The following ZBTB20 variants were observed in gnomAD, a reference collection of about 807,000 sequenced individuals.
ZBTB20 encodes zinc finger and BTB domain-containing protein 20.
ZBTB20 carries 9 observed loss-of-function variants against 56.9 expected under a neutral mutation model. The ratio of observed to expected loss-of-function variants is 0.16; its 90% confidence interval spans 0.10 to 0.28. The LOEUF (loss-of-function observed/expected upper bound fraction) is 0.28, where lower values mean the gene tolerates loss of function less well. Among genes scored for constraint, ZBTB20 ranks in the 10% least tolerant of loss-of-function variants. The pLI, the probability that ZBTB20 is intolerant of heterozygous loss-of-function variation, is 1.00. For missense variants in ZBTB20, 655 were observed against 1,003.0 expected, an observed-to-expected ratio of 0.65 and a Z score of 4.69; for synonymous variants, 417 against 420.7, an observed-to-expected ratio of 0.99 and a Z score of 0.11.
At chr3:114,932,775 ATCAATAGTTCC>A (rs1193395517) in intron 3 of ZBTB20, among the ~76,000 whole-genome samples, 1 of 152,108 alleles carries the variant, frequency 6.6e-6, no homozygotes, top group Non-Finnish European at 1.5e-5. Flanking sequence ...AAAGATAACC[ATCAATAGTTCC>A]TCAAAGCCTT....
At chr3:114,942,339 A>G (rs9828603) in intron 3 of ZBTB20, among the ~76,000 whole-genome samples, 102,774 of 145,038 alleles carry the variant, frequency 0.71, 38,511 homozygotes, top group East Asian at 0.76. Context: ...CATTCAAATA[A>G]AGATTAATCA....
intron 5 of ZBTB20, among the ~76,000 whole-genome samples, chr3:114,711,262 T>C (rs940554221): frequency 3.3e-5 from 5 of 152,230 alleles, no homozygotes; most frequent in African/African-American, 1.2e-4. Flanking sequence ...ATAGGAAACT[T>C]TGTTTAATTT....
Position 114,331,080 on chromosome 3 carries a change from A to T in ZBTB20, c.*7925T>A, listed in dbSNP as rs909319200. ...TCTTGTGAGTACAGGCAGAATTAGG[A>T]AGCTTTAGTTTGAGAATAAAATTTA... On this transcript the variant is annotated 3_prime_UTR_variant, in exon 12 of 12. Coordinates refer to ENST00000675478, the MANE Select transcript of ZBTB20 (RefSeq NM_001348800.3). 6.6e-6 allele frequency: 1 copy of T among 151,098 alleles called. No homozygotes were observed. The highest frequency in any genetic ancestry group is 6.6e-5 in the Admixed American group (1 of 15,104). The allele number at this position is 151,098 out of a possible 1,614,324, so 9.4% of individuals were successfully genotyped here.
chr3:114,769,053 G>C (rs1057193570), intron 5 of ZBTB20, among the ~76,000 whole-genome samples: 2 of 152,266 alleles, frequency 1.3e-5, no homozygotes, highest in East Asian at 3.9e-4. Context: ...CAGTAAAACA[G>C]AAAGTATATT....
At chr3:114,959,863 A>G (rs1323272962) in intron 3 of ZBTB20, among the ~76,000 whole-genome samples, 1 of 152,154 alleles carries the variant, frequency 6.6e-6, no homozygotes, top group East Asian at 1.9e-4. Context: ...CTAGCTGCAG[A>G]TAAGTCACTA....
chr3:114,971,203 T>G (rs1294418337), intron 3 of ZBTB20, among the ~76,000 whole-genome samples: 1 of 152,190 alleles, frequency 6.6e-6, no homozygotes, highest in African/African-American at 2.4e-5. Flanking sequence ...AGATTCAGAT[T>G]ATTCAAAGTG....
intron 3 of ZBTB20, among the ~76,000 whole-genome samples, chr3:114,970,257 TA>T (rs777045015): frequency 1.2e-4 from 19 of 152,338 alleles, no homozygotes; most frequent in Non-Finnish European, 2.6e-4. Context: ...GGGTTAGTAT[TA>T]CAAAGGTATG....
chr3:114,403,538 CTAA>C, intron 7 of ZBTB20, among the ~76,000 whole-genome samples: 1 of 151,698 alleles, frequency 6.6e-6, no homozygotes. Flanking sequence ...CTTCAAGAGT[CTAA>C]TATGATCAGG....
chr3:114,364,468 TCC>T (rs2082192187), intron 10 of ZBTB20, among the ~76,000 whole-genome samples: 1 of 151,680 alleles, frequency 6.6e-6, no homozygotes, highest in African/African-American at 2.4e-5. Flanking sequence ...CAAACAAACA[TCC>T]CCCAACAATT....
At position 114,351,458 on chromosome 3, in the gene ZBTB20, G is replaced by A; in HGVS notation, c.620C>T (p.Ser207Leu). The A allele has an allele frequency of 6.2e-7, 1 of 1,613,738 alleles. No individual in the cohort carries two copies. The highest frequency in any genetic ancestry group is 8.5e-7 in the Non-Finnish European group (1 of 1,180,008). Residue 207 changes from serine to leucine, a missense_variant, in exon 11 of 12, where the codon TCG becomes TTG. This residue lies in a region of ZBTB20 where 167 missense variants were observed against 281.9 expected (regional missense o/e 0.59). Coordinates refer to ENST00000675478, the MANE Select transcript of ZBTB20 (RefSeq NM_001348800.3). ...VGDVFPGIQD[S>L]GQDTPRGTPE... ...AGTGCCCCGCGGCGTGTCCTGGCCC[G>A]AGTCCTGGATCCCCGGGAACACATC... is the stretch of plus-strand genomic sequence containing the variant.
intron 5 of ZBTB20, among the ~76,000 whole-genome samples, chr3:114,713,306 T>C (rs1319997642): frequency 6.6e-6 from 1 of 152,182 alleles, no homozygotes; most frequent in African/African-American, 2.4e-5. Context: ...ATCTGTTTTT[T>C]ACAACTCCAA....
intron 7 of ZBTB20, among the ~76,000 whole-genome samples, chr3:114,491,049 T>A (rs1407116528): frequency 6.6e-6 from 1 of 152,200 alleles, no homozygotes; most frequent in African/African-American, 2.4e-5. Flanking sequence ...GGTGTCTTAC[T>A]CACCTCTGTA....
chr3:114,901,678 G>C (rs996548049), intron 3 of ZBTB20, among the ~76,000 whole-genome samples: 1 of 151,874 alleles, frequency 6.6e-6, no homozygotes, highest in Non-Finnish European at 1.5e-5. Flanking sequence ...CTATATAAAG[G>C]AATATTTGGC....
chr3:114,789,026 A>G (rs2070757078), intron 5 of ZBTB20, among the ~76,000 whole-genome samples: 1 of 152,160 alleles, frequency 6.6e-6, no homozygotes. Context: ...ACAACACACG[A>G]AGATTATGGG....
At chr3:114,963,345 T>C (rs1042379971) in intron 3 of ZBTB20, among the ~76,000 whole-genome samples, 1 of 152,100 alleles carries the variant, frequency 6.6e-6, no homozygotes, top group African/African-American at 2.4e-5. Context: ...GAATTTTCCC[T>C]TGGCCTCATT....
chr3:114,429,942 G>A (rs1173880641), intron 7 of ZBTB20, among the ~76,000 whole-genome samples: 1 of 148,596 alleles, frequency 6.7e-6, no homozygotes, highest in Non-Finnish European at 1.5e-5. Context: ...GCTGGGGTGG[G>A]ATGGGGTGTC....
chr3:114,885,589 A>G (rs1011030281), intron 4 of ZBTB20, among the ~76,000 whole-genome samples: 1 of 151,418 alleles, frequency 6.6e-6, no homozygotes, highest in Admixed American at 6.6e-5. Context: ...TTTTTTCGGC[A>G]ACAGATACAA....
intron 4 of ZBTB20, among the ~76,000 whole-genome samples, chr3:114,833,981 A>G (rs2073991085): frequency 1.3e-5 from 2 of 152,132 alleles, no homozygotes; most frequent in African/African-American, 2.4e-5. Context: ...TAGAATCTCA[A>G]TGTTCTTTCT....
At chr3:114,923,488 A>G (rs949985636) in intron 3 of ZBTB20, among the ~76,000 whole-genome samples, 1 of 152,248 alleles carries the variant, frequency 6.6e-6, no homozygotes, top group African/African-American at 2.4e-5. Flanking sequence ...ATTCTCTTCA[A>G]TAAGTGGTTT....
Sources: allele counts gnomAD v4.1 joint callset (sites outside exome capture counted in the v4.1 genomes callset), GRCh38; gene constraint gnomAD v4.1.1; regional missense constraint gnomAD v4.1.1; transcripts MANE v1.5; gene names NCBI Gene and HGNC (gene_info 2026-07-23, HGNC 2026-07-21).